CFAP299: variants seen among roughly 807,000 people sequenced by gnomAD.
CFAP299 encodes the protein cilia- and flagella-associated protein 299.
Under a neutral mutation model 27.0 loss-of-function variants are expected in CFAP299, and 21 were observed. The observed-to-expected ratio is 0.78, with a 90% confidence interval of 0.55 to 1.12. CFAP299 has a LOEUF of 1.12. Among genes scored for constraint, CFAP299 ranks in the 50% most tolerant of loss-of-function variants. The pLI, the probability that CFAP299 is intolerant of heterozygous loss-of-function variation, is 0.00. For missense variants in CFAP299, 310 were observed against 276.6 expected (o/e 1.12, Z -0.86); for synonymous variants, 104 against 98.1 (o/e 1.06, Z -0.36).
intron 3 of CFAP299, among the ~76,000 whole-genome samples, chr4:80,723,603 A>G (rs1722968753): frequency 6.6e-6 from 1 of 152,122 alleles, no homozygotes. Flanking sequence ...GATACATTAC[A>G]TAGAGAGAAA....
intron 2 of CFAP299, among the ~76,000 whole-genome samples, chr4:80,409,814 A>G (rs976036450): frequency 2.0e-5 from 3 of 152,188 alleles, no homozygotes; most frequent in African/African-American, 7.2e-5. Context: ...AAAGAGCACT[A>G]TATTTTTGGA....
In CFAP299 at chr4:80,362,864, G is replaced by A. The variant is rs1009241193; in HGVS notation, c.222G>A (p.Leu74=). The change falls in exon 2 of 6, where the codon CTG becomes CTA. Residue 74 remains leucine, a synonymous_variant. Transcript: ENST00000358105. ...AAGCGGCTATAGAGATTGCAAGACT[G>A]GCTGAAAGAGCTCAGCAAAAGTAAG... ...ARKAAIEIAR[L]AERAQQKTLT... 3 of 1,609,544 alleles carry A rather than the reference G, an allele frequency of 1.9e-6. No individual in the cohort carries two copies. Among genetic ancestry groups the A allele is most frequent in the Non-Finnish European group, 1.7e-6 (2 of 1,178,856 alleles).
At chr4:80,654,160 G>A (rs1425095069) in intron 3 of CFAP299, among the ~76,000 whole-genome samples, 1 of 152,068 alleles carries the variant, frequency 6.6e-6, no homozygotes, top group African/African-American at 2.4e-5. Flanking sequence ...AGATTAATAT[G>A]ATCAATAGTA....
At chr4:80,942,137 T>TA (rs1737227285) in intron 4 of CFAP299, among the ~76,000 whole-genome samples, 1 of 152,194 alleles carries the variant, frequency 6.6e-6, no homozygotes, top group Non-Finnish European at 1.5e-5. Context: ...AAATTGCTAT[T>TA]ACGCGGCTAC....
intron 1 of CFAP299, among the ~76,000 whole-genome samples, chr4:80,356,854 C>G (rs536997102): frequency 4.6e-5 from 7 of 152,170 alleles, no homozygotes; most frequent in Non-Finnish European, 7.4e-5. Flanking sequence ...TTGCCCTGGC[C>G]AGAACTTCCA....
At chr4:80,963,463 A>C in intron 5 of CFAP299, 54 bp from the exon 6 acceptor site, 1 of 1,291,316 alleles carries the variant, frequency 7.7e-7, no homozygotes, top group East Asian at 2.5e-5. Flanking sequence ...AAAATTTTAA[A>C]AAAGGCCAAG....
chr4:80,634,310 G>A (rs1394950617), intron 3 of CFAP299, among the ~76,000 whole-genome samples: 2 of 152,030 alleles, frequency 1.3e-5, no homozygotes, highest in African/African-American at 4.8e-5. Context: ...GCACAGCATG[G>A]TGGCTAAGAA....
At chr4:80,347,885 G>A (rs948299332) in intron 1 of CFAP299, among the ~76,000 whole-genome samples, 12 of 152,194 alleles carry the variant, frequency 7.9e-5, no homozygotes, top group African/African-American at 2.6e-4. Context: ...AAACTATAAG[G>A]CTACAGTAAC....
intron 3 of CFAP299, among the ~76,000 whole-genome samples, chr4:80,719,607 A>C (rs966570591): frequency 6.6e-6 from 1 of 152,374 alleles, no homozygotes; most frequent in Middle Eastern, 3.4e-3. Context: ...AGAAAGTGCT[A>C]TATAAACTGC....
chr4:80,467,161 G>A (rs755901394), intron 2 of CFAP299, among the ~76,000 whole-genome samples: 4 of 152,114 alleles, frequency 2.6e-5, no homozygotes, highest in Non-Finnish European at 5.9e-5. Flanking sequence ...AATTGAGCAC[G>A]ACACTTCTCA....
chr4:80,513,616 C>T (rs985289011), intron 2 of CFAP299, among the ~76,000 whole-genome samples: 1 of 152,038 alleles, frequency 6.6e-6, no homozygotes, highest in African/African-American at 2.4e-5. Flanking sequence ...CTCTGGGCTT[C>T]CAAAAGGGTC....
intron 3 of CFAP299, among the ~76,000 whole-genome samples, chr4:80,750,635 T>C (rs1183329175): frequency 6.6e-6 from 1 of 152,234 alleles, no homozygotes; most frequent in Non-Finnish European, 1.5e-5. Flanking sequence ...AGGCTTTGGG[T>C]TTGATTTAAA....
In CFAP299 at chr4:80,816,478, A is replaced by G. The variant is rs533187973; in HGVS notation, c.334-53515A>G. 4.6e-5 allele frequency among the ~76,000 whole-genome samples: 7 copies of G among 152,228 alleles called. No individual in the cohort carries two copies. The East Asian group carries it at 1.2e-3, about 25-fold the overall frequency. The stretch of plus-strand genomic sequence containing the variant: ...AAACCAAGAAACCTTCTGGATGTCA[A>G]TTTTGATTCCAATTTAGCAGAGAAT... On this transcript the variant is annotated intron_variant, in intron 3 of 5. Coordinates refer to ENST00000358105, the MANE Select transcript of CFAP299 (RefSeq NM_152770.3).
At chr4:80,716,396 A>G (rs1722483194) in intron 3 of CFAP299, among the ~76,000 whole-genome samples, 1 of 150,150 alleles carries the variant, frequency 6.7e-6, no homozygotes, top group African/African-American at 2.4e-5. Context: ...TATATATAAT[A>G]TATTCTATAA....
In CFAP299 at chr4:80,539,248, A is replaced by G. The variant is rs564120470; in HGVS notation, c.243-43845A>G. 3.3e-5 allele frequency among the ~76,000 whole-genome samples: 5 copies of G among 152,258 alleles called. No homozygotes were observed. In the East Asian group the frequency reaches 5.8e-4, roughly 18 times the overall value. ...TTATACCCTGTATTTTGTTTTAATC[A>G]AGTATAAAACAGTGTCAAACGTGGA... is the stretch of plus-strand genomic sequence containing the variant. On this transcript the variant is annotated intron_variant, in intron 2 of 5. Transcript: ENST00000358105.
At chr4:80,749,498 A>G (rs554543274) in intron 3 of CFAP299, among the ~76,000 whole-genome samples, 32 of 152,300 alleles carry the variant, frequency 2.1e-4, no homozygotes, top group Middle Eastern at 6.8e-3. Context: ...AAGTCCCACA[A>G]TAGGCCATCT....
chr4:80,487,188 A>G (rs1730861941), intron 2 of CFAP299, among the ~76,000 whole-genome samples: 1 of 152,330 alleles, frequency 6.6e-6, no homozygotes, highest in East Asian at 1.9e-4. Context: ...CTGTGGGAGA[A>G]TTTTATATAT....
At chr4:80,855,754 G>A (rs941494146) in intron 3 of CFAP299, among the ~76,000 whole-genome samples, 3 of 152,120 alleles carry the variant, frequency 2.0e-5, no homozygotes, top group African/African-American at 7.2e-5. Context: ...TTTTATGGCT[G>A]CATAGTATTC....
At chr4:80,927,624 T>C (rs1736371576) in intron 4 of CFAP299, among the ~76,000 whole-genome samples, 1 of 152,106 alleles carries the variant, frequency 6.6e-6, no homozygotes, top group Non-Finnish European at 1.5e-5. Flanking sequence ...AGGAATCTGC[T>C]CCTAAATTCA....
Sources: allele counts gnomAD v4.1 joint callset (sites outside exome capture counted in the v4.1 genomes callset), GRCh38; gene constraint gnomAD v4.1.1; transcripts MANE v1.5; gene names NCBI Gene and HGNC (gene_info 2026-07-23, HGNC 2026-07-21).